Variants in LRRC4C observed in about 807,000 individuals in gnomAD.
LRRC4C encodes the protein leucine rich repeat containing 4C.
In LRRC4C, 5 loss-of-function variants were observed where a neutral mutation model predicts 33.6. The observed-to-expected ratio is 0.15, with a 90% CI of 0.08 to 0.31. The LOEUF (loss-of-function observed/expected upper bound fraction) is 0.31. Among genes scored for constraint, LRRC4C ranks in the 10% least tolerant of loss-of-function variants. The pLI is 1.00. For synonymous variants in LRRC4C, 329 were observed against 302.0 expected, an observed-to-expected ratio of 1.09 and a Z score of -0.93; for missense variants, 560 against 796.7, an observed-to-expected ratio of 0.70 and a Z score of 3.58.
intron 2 of LRRC4C, among the ~76,000 whole-genome samples, chr11:40,722,960 T>G (rs893686173): frequency 4.1e-4 from 62 of 152,178 alleles, no homozygotes; most frequent in African/African-American, 1.5e-3. Flanking sequence ...AAAATACATT[T>G]GGAAGCCTTA....
chr11:41,327,173 C>A (rs1318320216), intron 1 of LRRC4C, among the ~76,000 whole-genome samples: 1 of 152,054 alleles, frequency 6.6e-6, no homozygotes, highest in South Asian at 2.1e-4. Context: ...GGCAGCCCAC[C>A]TTTTTCATGG....
chr11:40,554,559 C>T (rs1957255626), intron 3 of LRRC4C, among the ~76,000 whole-genome samples: 1 of 151,926 alleles, frequency 6.6e-6, no homozygotes, highest in African/African-American at 2.4e-5. Flanking sequence ...GGCAGTATGG[C>T]CATGTTAACA....
At chr11:40,306,129 A>C (rs140110095) in intron 4 of LRRC4C, among the ~76,000 whole-genome samples, 23 of 152,310 alleles carry the variant, frequency 1.5e-4, no homozygotes, top group African/African-American at 4.8e-4. Flanking sequence ...ACTTTCATCA[A>C]CATAAATGTA....
intron 4 of LRRC4C, among the ~76,000 whole-genome samples, chr11:40,284,148 A>G (rs1032100061): frequency 6.6e-6 from 1 of 152,212 alleles, no homozygotes; most frequent in Non-Finnish European, 1.5e-5. Flanking sequence ...GAGCTGGGAA[A>G]GATGTTCCCA....
rs189353363 is a variant in LRRC4C at position 41,183,998 on chromosome 11, C to T, written c.-495-250275G>A. 4.7e-3 allele frequency among the ~76,000 whole-genome samples: 712 copies of T among 152,284 alleles called. 9 individuals carry two copies. The highest frequency in any genetic ancestry group is 0.016 in the African/African-American group (664 of 41,576). ...AGCAACAGCCCAAGCTATAACTTGG[C>T]CCCTTTTAGCCATGGCTGGAGCAGC... is the stretch of plus-strand genomic sequence containing the variant. On this transcript the variant is annotated intron_variant, in intron 1 of 6. Coordinates refer to ENST00000528697, the MANE Select transcript of LRRC4C (RefSeq NM_001258419.2).
chr11:41,054,346 T>C (rs1275300334), intron 1 of LRRC4C, among the ~76,000 whole-genome samples: 1 of 152,106 alleles, frequency 6.6e-6, no homozygotes, highest in Non-Finnish European at 1.5e-5. Flanking sequence ...GGAGAGAAGG[T>C]AGGAAACTGA....
At chr11:41,133,999 C>T (rs189719913) in intron 1 of LRRC4C, among the ~76,000 whole-genome samples, 65 of 152,306 alleles carry the variant, frequency 4.3e-4, no homozygotes, top group African/African-American at 1.5e-3. Context: ...TCTAATTCAA[C>T]TGCCTTGGGA....
chr11:40,921,023 G>A (rs907726781), intron 2 of LRRC4C, among the ~76,000 whole-genome samples: 6 of 151,272 alleles, frequency 4.0e-5, no homozygotes, highest in African/African-American at 1.5e-4. Flanking sequence ...TGGGCTGAAC[G>A]GATCCTTGCA....
intron 3 of LRRC4C, among the ~76,000 whole-genome samples, chr11:40,566,086 G>GTTTTTTTTTTTTTTTTTTTTTTTTTTCTT: frequency 1.6e-5 from 1 of 62,798 alleles, no homozygotes; most frequent in Non-Finnish European, 2.9e-5. Context: ...TTTTTACTAA[G>GTTTTTTTTTTTTTTTTTTTTTTTTTTCTT]TTTTTTTTTT....
At chr11:40,169,667 C>A (rs935359063) in intron 5 of LRRC4C, among the ~76,000 whole-genome samples, 6 of 152,118 alleles carry the variant, frequency 3.9e-5, no homozygotes, top group Admixed American at 3.9e-4. Flanking sequence ...GTTGAGATTT[C>A]ATTTCCATTT....
chr11:40,444,810 G>A (rs1230791434), intron 3 of LRRC4C, among the ~76,000 whole-genome samples: 1 of 152,190 alleles, frequency 6.6e-6, no homozygotes, highest in Non-Finnish European at 1.5e-5. Flanking sequence ...AGCTCTGAAA[G>A]TGAATTAGCT....
At chr11:40,646,609 C>T in intron 3 of LRRC4C, among the ~76,000 whole-genome samples, 1 of 152,092 alleles carries the variant, frequency 6.6e-6, no homozygotes, top group African/African-American at 2.4e-5. Flanking sequence ...CAAATCTTCT[C>T]TCTCTCTCTT....
intron 3 of LRRC4C, among the ~76,000 whole-genome samples, chr11:40,368,694 T>A (rs2137238992): frequency 6.6e-6 from 1 of 152,318 alleles, no homozygotes; most frequent in African/African-American, 2.4e-5. Flanking sequence ...AGTGGATTTC[T>A]GTTTTGTGCA....
At chr11:40,710,093 T>C (rs1163325609) in intron 2 of LRRC4C, among the ~76,000 whole-genome samples, 2 of 152,168 alleles carry the variant, frequency 1.3e-5, no homozygotes, top group African/African-American at 2.4e-5. Context: ...ATTCGTCTAA[T>C]CTTTTTTCAA....
intron 1 of LRRC4C, among the ~76,000 whole-genome samples, chr11:41,075,027 T>TTTTTTTTTTTA (rs764193977): frequency 0.054 from 5,513 of 102,328 alleles, 137 homozygotes; most frequent in Non-Finnish European, 0.069. Flanking sequence ...TTTTTTTTTT[T>TTTTTTTTTTTA]TTTTTTTTTA....
chr11:40,467,505 A>G (rs188188166), intron 3 of LRRC4C, among the ~76,000 whole-genome samples: 1 of 152,062 alleles, frequency 6.6e-6, no homozygotes, highest in Non-Finnish European at 1.5e-5. Context: ...GGGAAGAAAA[A>G]ATTTTTAGAG....
At position 41,080,263 on chromosome 11, in the gene LRRC4C, G is replaced by A. The variant is rs114160945; in HGVS notation, c.-495-146540C>T. Among the ~76,000 whole-genome samples the A allele has an allele frequency of 3.7e-3, 561 of 151,174 alleles. 3 individuals are homozygous for A. Among genetic ancestry groups the A allele is most frequent in the African/African-American group, 0.013 (519 of 41,288 alleles). On this transcript the variant is annotated intron_variant, in intron 1 of 6. Coordinates refer to ENST00000528697, the MANE Select transcript of LRRC4C (RefSeq NM_001258419.2). Reference sequence around the variant, plus strand: ...ATTGAGGAACACAGAGGAAGTGATAGTGTTTGCACTAATTACAATTGCATA... The same window carrying A: ...ATTGAGGAACACAGAGGAAGTGATAATGTTTGCACTAATTACAATTGCATA...
chr11:41,354,277 C>A (rs762818047), intron 1 of LRRC4C, among the ~76,000 whole-genome samples: 9 of 151,848 alleles, frequency 5.9e-5, no homozygotes, highest in Non-Finnish European at 8.8e-5. Flanking sequence ...TTCACAATAG[C>A]CACAAAAAGA....
chr11:41,204,036 G>A (rs1014137931), intron 1 of LRRC4C, among the ~76,000 whole-genome samples: 2 of 151,700 alleles, frequency 1.3e-5, no homozygotes, highest in Admixed American at 1.3e-4. Context: ...TTTTTCTCCA[G>A]ATTATAGATG....
Sources: allele counts gnomAD v4.1 joint callset (sites outside exome capture counted in the v4.1 genomes callset), GRCh38; gene constraint gnomAD v4.1.1; transcripts MANE v1.5; gene names NCBI Gene and HGNC (gene_info 2026-07-23, HGNC 2026-07-21).